The following NBEA variants were observed in gnomAD, a reference collection of about 807,000 sequenced individuals.
The protein encoded by NBEA is neurobeachin, also known as lysosomal-trafficking regulator 2.
In NBEA, 44 loss-of-function variants were observed where a neutral mutation model predicts 343.4. That is an observed-to-expected ratio of 0.13 (90% CI 0.10 to 0.16). The LOEUF (loss-of-function observed/expected upper bound fraction) is 0.16. Ranked by LOEUF, NBEA falls within the 10% of genes least tolerant of loss-of-function variation. NBEA has a pLI of 1.00. For missense variants in NBEA, 2,555 were observed against 3,631.3 expected (o/e 0.70, Z 7.62); for synonymous variants, 1,175 against 1,238.7 (o/e 0.95, Z 1.08).
chr13:35,225,810 CTGTT>C (rs1340676332), intron 33 of NBEA, among the ~76,000 whole-genome samples: 1 of 152,076 alleles, frequency 6.6e-6, no homozygotes, highest in Non-Finnish European at 1.5e-5. Context: ...AGATTTCAAG[CTGTT>C]TGGTTACCTA....
At chr13:35,639,314 CCT>C (rs2083833882) in intron 49 of NBEA, among the ~76,000 whole-genome samples, 1 of 152,018 alleles carries the variant, frequency 6.6e-6, no homozygotes, top group Non-Finnish European at 1.5e-5. Context: ...TTATTTTGCT[CCT>C]GTTTTTCCAG....
chr13:35,394,673 C>T (rs1437758659), intron 38 of NBEA, among the ~76,000 whole-genome samples: 1 of 151,994 alleles, frequency 6.6e-6, no homozygotes, highest in Non-Finnish European at 1.5e-5. Context: ...AACTCACTTC[C>T]CTGGGACATT....
At chr13:35,098,992 T>G (rs118118660) in intron 11 of NBEA, among the ~76,000 whole-genome samples, 1 of 151,596 alleles carries the variant, frequency 6.6e-6, no homozygotes, top group African/African-American at 2.4e-5. Context: ...GAGGGAGTAC[T>G]GTAGTTGTTT....
intron 41 of NBEA, among the ~76,000 whole-genome samples, chr13:35,514,765 G>A (rs920248124): frequency 2.0e-5 from 3 of 152,040 alleles, no homozygotes; most frequent in Non-Finnish European, 4.4e-5. Flanking sequence ...CCAATATATG[G>A]CAGTGTGCAT....
intron 1 of NBEA, among the ~76,000 whole-genome samples, chr13:34,973,890 A>G (rs2060080183): frequency 6.6e-6 from 1 of 152,148 alleles, no homozygotes; most frequent in African/African-American, 2.4e-5. Context: ...CACTTTTGCC[A>G]GGATACCCAG....
chr13:35,335,437 A>G (rs574985216), intron 36 of NBEA, among the ~76,000 whole-genome samples: 112 of 152,252 alleles, frequency 7.4e-4, no homozygotes, highest in African/African-American at 2.6e-3. Flanking sequence ...TCTGGATAGT[A>G]TGGTCATTTT....
chr13:35,365,163 C>T (rs1444801431), intron 38 of NBEA, among the ~76,000 whole-genome samples: 2 of 151,560 alleles, frequency 1.3e-5, no homozygotes, highest in African/African-American at 4.8e-5. Flanking sequence ...TAGATTTTTA[C>T]AAATTAAGAT....
intron 45 of NBEA, among the ~76,000 whole-genome samples, chr13:35,577,686 T>C (rs1197238833): frequency 6.6e-6 from 1 of 152,124 alleles, no homozygotes; most frequent in East Asian, 1.9e-4. Context: ...TCTTCATTCA[T>C]TTAGCATTTA....
intron 39 of NBEA, among the ~76,000 whole-genome samples, chr13:35,446,428 C>T (rs2046047825): frequency 6.6e-6 from 1 of 152,176 alleles, no homozygotes; most frequent in Admixed American, 6.5e-5. Flanking sequence ...TTTACAGTCC[C>T]ACCAACAGTG....
intron 35 of NBEA, among the ~76,000 whole-genome samples, chr13:35,292,041 T>G (rs1313109998): frequency 6.6e-6 from 1 of 152,030 alleles, no homozygotes; most frequent in Non-Finnish European, 1.5e-5. Context: ...TGCTTATTCT[T>G]TAAAATAGCT....
At chr13:35,483,554 C>T (rs1007813881) in intron 41 of NBEA, among the ~76,000 whole-genome samples, 2 of 151,914 alleles carry the variant, frequency 1.3e-5, no homozygotes, top group Non-Finnish European at 2.9e-5. Flanking sequence ...TACAAATACT[C>T]TAAACCAAGA....
chr13:35,435,027 T>TTTTG (rs1215705122), intron 39 of NBEA, among the ~76,000 whole-genome samples: 1 of 152,040 alleles, frequency 6.6e-6, no homozygotes, highest in Non-Finnish European at 1.5e-5. Context: ...GTTTGTTTGT[T>TTTTG]TTTGTTTGTT....
chr13:35,660,136 T>C (rs1484818819), intron 55 of NBEA, among the ~76,000 whole-genome samples: 2 of 152,198 alleles, frequency 1.3e-5, no homozygotes, highest in Non-Finnish European at 1.5e-5. Context: ...ATTTCATTGA[T>C]CTTAGGACTT....
chr13:35,594,231 A>G (rs1400123060), intron 47 of NBEA, among the ~76,000 whole-genome samples: 1 of 151,896 alleles, frequency 6.6e-6, no homozygotes, highest in Admixed American at 6.6e-5. Flanking sequence ...TTTTTTTCCC[A>G]TTACTGTCAC....
At chr13:35,556,911 C>T (rs1419775650) in intron 44 of NBEA, among the ~76,000 whole-genome samples, 6 of 152,042 alleles carry the variant, frequency 3.9e-5, no homozygotes, top group East Asian at 1.9e-4. Context: ...CCTGATTTTT[C>T]GGGATGATAT....
chr13:35,020,319 A>G (rs531620600), intron 1 of NBEA, among the ~76,000 whole-genome samples: 1 of 152,080 alleles, frequency 6.6e-6, no homozygotes, highest in African/African-American at 2.4e-5. Context: ...AGTTTTATTT[A>G]TTTTTAATTC....
At chr13:34,988,774 G>T (rs1465729355) in intron 1 of NBEA, among the ~76,000 whole-genome samples, 1 of 150,930 alleles carries the variant, frequency 6.6e-6, no homozygotes, top group Non-Finnish European at 1.5e-5. Flanking sequence ...AATCTGTCTT[G>T]TTTATTTGCA....
intron 33 of NBEA, among the ~76,000 whole-genome samples, chr13:35,227,798 G>A (rs1255788736): frequency 2.0e-5 from 3 of 151,814 alleles, no homozygotes; most frequent in African/African-American, 7.3e-5. Flanking sequence ...CAAACATAAG[G>A]GTGTTTGTTA....
intron 38 of NBEA, among the ~76,000 whole-genome samples, chr13:35,389,790 A>G (rs934848778): frequency 6.6e-6 from 1 of 152,172 alleles, no homozygotes; most frequent in East Asian, 1.9e-4. Context: ...GGATTCTGCA[A>G]AAGAAAGGAG....
Sources: allele counts gnomAD v4.1 joint callset (sites outside exome capture counted in the v4.1 genomes callset), GRCh38; gene constraint gnomAD v4.1.1; transcripts MANE v1.5; gene names NCBI Gene and HGNC (gene_info 2026-07-23, HGNC 2026-07-21).